EYS: variants seen among roughly 807,000 people sequenced by gnomAD.
The protein encoded by EYS is protein eyes shut homolog.
Under a neutral mutation model 282.1 loss-of-function variants are expected in EYS, and 250 were observed. That is an observed-to-expected ratio of 0.89 (90% CI 0.80 to 0.98). The LOEUF (loss-of-function observed/expected upper bound fraction) is 0.98. Among genes scored for constraint, EYS ranks in the 50% least tolerant of loss-of-function variants. The probability of loss-of-function intolerance (pLI) is 0.00; values close to 1 mark genes in which losing one functional copy is unlikely to be tolerated. For synonymous variants in EYS, 1,355 were observed against 1,282.9 expected, an observed-to-expected ratio of 1.06 and a Z score of -1.20; for missense variants, 4,016 against 3,709.0, an observed-to-expected ratio of 1.08 and a Z score of -2.15.
chr6:65,259,320 A>G (rs1288996569), intron 12 of EYS, among the ~76,000 whole-genome samples: 2 of 152,062 alleles, frequency 1.3e-5, no homozygotes, highest in Non-Finnish European at 2.9e-5. Context: ...ATACAGAGTG[A>G]GTCATTAGGT....
intron 2 of EYS, among the ~76,000 whole-genome samples, chr6:65,548,626 T>C (rs1207344564): frequency 2.6e-5 from 4 of 152,204 alleles, no homozygotes; most frequent in South Asian, 2.1e-4. Context: ...GGCACTTATC[T>C]CCACCTCTTC....
chr6:65,591,026 A>G (rs1019717570), intron 2 of EYS, among the ~76,000 whole-genome samples: 1 of 151,914 alleles, frequency 6.6e-6, no homozygotes, highest in Admixed American at 6.6e-5. Context: ...CTAAAGTTCA[A>G]TTTTTAATTA....
chr6:65,146,732 TTA>T, intron 12 of EYS, among the ~76,000 whole-genome samples: 1 of 152,026 alleles, frequency 6.6e-6, no homozygotes, highest in East Asian at 1.9e-4. Context: ...TCCTTTTTTC[TTA>T]TTCAGACAAT....
chr6:64,509,570 A>G (rs1777318753), intron 26 of EYS, among the ~76,000 whole-genome samples: 1 of 152,216 alleles, frequency 6.6e-6, no homozygotes, highest in African/African-American at 2.4e-5. Context: ...TCATTGCTAC[A>G]TTAAAATAAT....
chr6:64,545,400 C>T (rs1764823641), intron 26 of EYS, among the ~76,000 whole-genome samples: 1 of 152,052 alleles, frequency 6.6e-6, no homozygotes, highest in Non-Finnish European at 1.5e-5. Context: ...TATGACAAAC[C>T]CACAGCCAAT....
At chr6:65,137,094 C>G (rs1031985755) in intron 12 of EYS, among the ~76,000 whole-genome samples, 1 of 152,066 alleles carries the variant, frequency 6.6e-6, no homozygotes, top group Non-Finnish European at 1.5e-5. Context: ...CTTCTGACCT[C>G]TAACCTTATA....
At chr6:64,954,452 C>T (rs536260112) in intron 14 of EYS, among the ~76,000 whole-genome samples, 1 of 152,142 alleles carries the variant, frequency 6.6e-6, no homozygotes, top group Admixed American at 6.5e-5. Context: ...ATACCCAAAG[C>T]TTTTTCCCTA....
At chr6:65,673,199 G>A (rs888173465) in intron 1 of EYS, among the ~76,000 whole-genome samples, 2 of 152,058 alleles carry the variant, frequency 1.3e-5, no homozygotes, top group Admixed American at 1.3e-4. Context: ...TAGTGTTGAA[G>A]TGTTGGAGTG....
At chr6:63,954,323 CCATTT>C (rs961725738) in intron 35 of EYS, among the ~76,000 whole-genome samples, 1 of 152,192 alleles carries the variant, frequency 6.6e-6, no homozygotes, top group Non-Finnish European at 1.5e-5. Context: ...ATTGAGGCTA[CCATTT>C]TGCCCCCCTC....
chr6:64,436,887 A>G (rs1050042095), intron 27 of EYS, among the ~76,000 whole-genome samples: 1 of 151,780 alleles, frequency 6.6e-6, no homozygotes, highest in Non-Finnish European at 1.5e-5. Flanking sequence ...ATGTGCCTAC[A>G]GGTATATGGA....
intron 12 of EYS, among the ~76,000 whole-genome samples, chr6:65,253,582 A>T (rs572635268): frequency 6.6e-6 from 1 of 152,038 alleles, no homozygotes; most frequent in South Asian, 2.1e-4. Context: ...AGTCATATAC[A>T]TATTATTGTG....
intron 12 of EYS, among the ~76,000 whole-genome samples, chr6:65,102,413 CA>C (rs1048348731): frequency 2.0e-5 from 3 of 150,978 alleles, no homozygotes; most frequent in Admixed American, 6.6e-5. Flanking sequence ...TATTGTAGTA[CA>C]AAAAATAGAC....
chr6:64,774,654 A>T (rs1773625842), intron 22 of EYS, among the ~76,000 whole-genome samples: 1 of 151,888 alleles, frequency 6.6e-6, no homozygotes, highest in Non-Finnish European at 1.5e-5. Flanking sequence ...CTAAAACTGA[A>T]TCTCCTGATA....
chr6:65,279,201 T>A (rs972815), intron 12 of EYS, among the ~76,000 whole-genome samples: 116,581 of 147,050 alleles, frequency 0.79, 46,252 homozygotes, highest in East Asian at 0.96. Context: ...TAAAAAAAAA[T>A]AATAATAACA....
chr6:64,612,902 A>C (rs1424152327), intron 24 of EYS, among the ~76,000 whole-genome samples: 1 of 152,150 alleles, frequency 6.6e-6, no homozygotes, highest in African/African-American at 2.4e-5. Flanking sequence ...ATTTTTCTGA[A>C]GATCTCTGAG....
chr6:65,142,871 T>A (rs1034309132), intron 12 of EYS, among the ~76,000 whole-genome samples: 2 of 151,982 alleles, frequency 1.3e-5, no homozygotes, highest in South Asian at 4.1e-4. Context: ...GCATATTGAT[T>A]CTGAGTTCTG....
At chr6:65,574,059 GTCCCT>G (rs1764572541) in intron 2 of EYS, among the ~76,000 whole-genome samples, 1 of 152,128 alleles carries the variant, frequency 6.6e-6, no homozygotes, top group Admixed American at 6.6e-5. Context: ...GGCAGTGGGA[GTCCCT>G]GCGCCCTAGG....
chr6:64,551,541 T>C (rs1171680661), intron 26 of EYS, among the ~76,000 whole-genome samples: 1 of 149,708 alleles, frequency 6.7e-6, no homozygotes, highest in Admixed American at 6.7e-5. Context: ...GCATTCTTTT[T>C]TTTTTTTTTT....
chr6:64,246,348 A>C (rs570967476), intron 30 of EYS, among the ~76,000 whole-genome samples: 229 of 152,242 alleles, frequency 1.5e-3, no homozygotes, highest in African/African-American at 5.2e-3. Flanking sequence ...ATACTACCTG[A>C]AATGGAAGTC....
Sources: gnomAD v4.1 joint callset for allele counts (sites outside exome capture counted in the v4.1 genomes callset) on GRCh38, gnomAD v4.1.1 for gene constraint, MANE v1.5 for transcripts, NCBI Gene and HGNC (gene_info 2026-07-23, HGNC 2026-07-21) for gene names.